CA10: variants seen among roughly 807,000 people sequenced by gnomAD.
CA10 encodes carbonic anhydrase 10 (inactive).
CA10 carries 14 observed loss-of-function variants against 44.2 expected under a neutral mutation model. The observed-to-expected ratio is 0.32, with a 90% CI of 0.21 to 0.50. CA10 has a LOEUF of 0.50. Among genes scored for constraint, CA10 ranks in the 20% least tolerant of loss-of-function variants. The probability of loss-of-function intolerance (pLI) is 0.99; values close to 1 mark genes in which losing one functional copy is unlikely to be tolerated. For missense variants in CA10, 350 were observed against 409.7 expected (o/e 0.85, Z 1.26); for synonymous variants, 159 against 141.6 (o/e 1.12, Z -0.87).
intron 4 of CA10, among the ~76,000 whole-genome samples, chr17:51,717,829 GTATATATATATA>G (rs55932655): frequency 0.028 from 225 of 7,916 alleles, 36 homozygotes; most frequent in African/African-American, 0.07. Context: ...ATATGTGTGT[GTATATATATATA>G]TATATATATA....
chr17:52,105,532 A>G (rs1269385600), intron 1 of CA10, among the ~76,000 whole-genome samples: 14 of 152,152 alleles, frequency 9.2e-5, no homozygotes, highest in Admixed American at 9.2e-4. Context: ...GTGAGCCACC[A>G]CACCTGGCCT....
At chr17:52,059,719 AAATAT>A (rs1567719393) in intron 2 of CA10, among the ~76,000 whole-genome samples, 52 of 152,272 alleles carry the variant, frequency 3.4e-4, no homozygotes, top group African/African-American at 1.2e-3. Context: ...TCAATGGCTG[AAATAT>A]GACCTTACAC....
At chr17:51,850,243 G>C (rs571584588) in intron 3 of CA10, among the ~76,000 whole-genome samples, 1 of 152,304 alleles carries the variant, frequency 6.6e-6, no homozygotes, top group Admixed American at 6.5e-5. Context: ...GTATAAATCT[G>C]TCCTGAGTTT....
At chr17:51,648,137 T>A (rs1335489165) in intron 6 of CA10, among the ~76,000 whole-genome samples, 1 of 152,174 alleles carries the variant, frequency 6.6e-6, no homozygotes, top group African/African-American at 2.4e-5. Context: ...TTCTCCATAC[T>A]CTCCCTTGGC....
chr17:51,701,233 C>T (rs1221798625), intron 4 of CA10, among the ~76,000 whole-genome samples: 3 of 152,092 alleles, frequency 2.0e-5, no homozygotes, highest in Admixed American at 2.0e-4. Flanking sequence ...CGGGCGGCAC[C>T]ATCACTCCGG....
intron 1 of CA10, among the ~76,000 whole-genome samples, chr17:52,142,816 T>C (rs1407462699): frequency 6.6e-6 from 1 of 152,286 alleles, no homozygotes; most frequent in East Asian, 1.9e-4. Context: ...TTTTACAGAT[T>C]AGAAAACTGA....
chr17:52,112,095 T>C (rs1368696544), intron 1 of CA10, among the ~76,000 whole-genome samples: 4 of 152,208 alleles, frequency 2.6e-5, no homozygotes, highest in East Asian at 3.9e-4. Context: ...TTTCAGAAGA[T>C]TCATGTGTGT....
chr17:51,660,766 C>A (rs943768429), intron 4 of CA10, among the ~76,000 whole-genome samples: 8 of 152,202 alleles, frequency 5.3e-5, no homozygotes, highest in African/African-American at 1.9e-4. Context: ...GTGGCTTCCC[C>A]TTGCCTGTAA....
At chr17:51,775,755 G>A (rs1448193940) in intron 3 of CA10, among the ~76,000 whole-genome samples, 2 of 152,142 alleles carry the variant, frequency 1.3e-5, no homozygotes, top group Admixed American at 1.3e-4. Flanking sequence ...GTTGAAGGTT[G>A]TTTTCTCTGA....
At chr17:51,691,970 T>G (rs1597988561) in intron 4 of CA10, among the ~76,000 whole-genome samples, 1 of 152,200 alleles carries the variant, frequency 6.6e-6, no homozygotes, top group East Asian at 1.9e-4. Flanking sequence ...TAAAAGTGCT[T>G]TAGCTAATTG....
intron 3 of CA10, among the ~76,000 whole-genome samples, chr17:51,805,581 A>G (rs1332050683): frequency 1.3e-5 from 2 of 151,732 alleles, no homozygotes; most frequent in African/African-American, 4.8e-5. Context: ...TATTTTAAAA[A>G]CTCCCCAAGA....
intron 3 of CA10, among the ~76,000 whole-genome samples, chr17:51,887,035 T>C (rs571113382): frequency 6.6e-6 from 1 of 152,308 alleles, no homozygotes; most frequent in South Asian, 2.1e-4. Context: ...GTTCTCCAGC[T>C]TGCATATAGC....
chr17:51,631,734 A>G, intron 8 of CA10, 128 bp from the exon 9 acceptor site: 1 of 770,926 alleles, frequency 1.3e-6, no homozygotes, highest in East Asian at 2.5e-5. Context: ...ATGCCTGCTT[A>G]CTTATATGCA....
At chr17:51,787,951 C>A (rs998909998) in intron 3 of CA10, among the ~76,000 whole-genome samples, 1 of 151,966 alleles carries the variant, frequency 6.6e-6, no homozygotes, top group African/African-American at 2.4e-5. Context: ...ATTTCAATTT[C>A]ATTTATTTCT....
At chr17:51,719,262 C>G (rs910208293) in intron 4 of CA10, among the ~76,000 whole-genome samples, 1 of 152,230 alleles carries the variant, frequency 6.6e-6, no homozygotes, top group Non-Finnish European at 1.5e-5. Flanking sequence ...TTTAAACTCC[C>G]AGATGGCTCC....
intron 3 of CA10, among the ~76,000 whole-genome samples, chr17:51,887,440 A>C (rs548011673): frequency 6.6e-6 from 1 of 152,204 alleles, no homozygotes; most frequent in African/African-American, 2.4e-5. Context: ...GCCATTCAGT[A>C]TACTTTTCAG....
intron 3 of CA10, among the ~76,000 whole-genome samples, chr17:51,923,881 G>A (rs1328895990): frequency 6.6e-6 from 1 of 152,140 alleles, no homozygotes; most frequent in Non-Finnish European, 1.5e-5. Flanking sequence ...TTCTTGGTAA[G>A]CAAGGGTACT....
intron 4 of CA10, among the ~76,000 whole-genome samples, chr17:51,706,588 A>G (rs1473680575): frequency 6.6e-6 from 1 of 152,150 alleles, no homozygotes; most frequent in East Asian, 1.9e-4. Flanking sequence ...TCTCTTGGCT[A>G]ACAGCCAGAA....
chr17:51,686,677 A>G (rs891603913), intron 4 of CA10, among the ~76,000 whole-genome samples: 3 of 152,124 alleles, frequency 2.0e-5, no homozygotes, highest in African/African-American at 7.2e-5. Flanking sequence ...TAAGTTGCCC[A>G]CTTAATCTCT....
Sources: gnomAD v4.1 joint callset for allele counts (sites outside exome capture counted in the v4.1 genomes callset) on GRCh38, gnomAD v4.1.1 for gene constraint, MANE v1.5 for transcripts, NCBI Gene and HGNC (gene_info 2026-07-23, HGNC 2026-07-21) for gene names.